Variants in PCDHGB2 observed in about 807,000 individuals in gnomAD.
PCDHGB2 encodes the protein protocadherin gamma-B2.
In PCDHGB2, 55 loss-of-function variants were observed where a neutral mutation model predicts 59.3. The ratio of observed to expected loss-of-function variants is 0.93; its 90% CI spans 0.75 to 1.16. The LOEUF is 1.16. PCDHGB2 is among the 50% of genes most tolerant of loss of function. The probability of loss-of-function intolerance (pLI) is 0.00; values close to 1 mark genes in which losing one functional copy is unlikely to be tolerated. For synonymous variants in PCDHGB2, 516 were observed against 512.0 expected (o/e 1.01, Z -0.11); for missense variants, 1,228 against 1,198.5 (o/e 1.02, Z -0.36).
chr5:141,397,199 T>A (rs1317536621), intron 1 of PCDHGB2, among the ~76,000 whole-genome samples: 1 of 152,156 alleles, frequency 6.6e-6, no homozygotes, highest in Non-Finnish European at 1.5e-5. Context: ...GTAAAAGATA[T>A]GACATAAGAG....
At position 141,386,477 on chromosome 5, in the gene PCDHGB2, G is replaced by A. The variant is rs78371655; in HGVS notation, c.2421+23921G>A. ...GACAGCTTGAACCCAAGAATTGGAG[G>A]CCCACCTAGATAATATAACAAGACT... is the stretch of plus-strand genomic sequence containing the variant. On this transcript the variant is annotated intron_variant, in intron 1 of 3. Coordinates refer to ENST00000522605, the MANE Select transcript of PCDHGB2 (RefSeq NM_018923.3). Among the ~76,000 whole-genome samples the A allele has an allele frequency of 2.5e-3, 384 of 151,668 alleles. 1 individual carries two copies. Among genetic ancestry groups the A allele is most frequent in the African/African-American group, 8.8e-3 (362 of 41,292 alleles).
intron 1 of PCDHGB2, among the ~76,000 whole-genome samples, chr5:141,373,074 A>G (rs910796457): frequency 6.6e-6 from 1 of 152,228 alleles, no homozygotes; most frequent in Non-Finnish European, 1.5e-5. Flanking sequence ...TTTTTAATAC[A>G]GTATTATCTC....
At chr5:141,372,930 T>C (rs1381737731) in intron 1 of PCDHGB2, 2 of 884,806 alleles carry the variant, frequency 2.3e-6, no homozygotes, top group East Asian at 2.7e-5. Flanking sequence ...TTTTCTGGTG[T>C]AGAGTAGGGT....
chr5:141,435,629 A>G (rs2097772414), intron 1 of PCDHGB2, among the ~76,000 whole-genome samples: 1 of 152,162 alleles, frequency 6.6e-6, no homozygotes, highest in Admixed American at 6.5e-5. Flanking sequence ...TAACTTTTAC[A>G]ACTATGGGAA....
intron 1 of PCDHGB2, chr5:141,379,317 C>T (rs914765409): frequency 1.3e-5 from 2 of 152,162 alleles, no homozygotes; most frequent in East Asian, 1.9e-4. Context: ...AACAAGAGAT[C>T]TAATCATACA....
chr5:141,365,723 A>T, intron 1 of PCDHGB2: 1 of 1,613,726 alleles, frequency 6.2e-7, no homozygotes, highest in South Asian at 1.1e-5. Context: ...CACAGAAAAC[A>T]ATCCCAGAGG....
rs1369821635 is a variant in PCDHGB2, at chr5:141,512,208, G to T, written c.*1035G>T. ...TTCAGTCCAAGGAAGCTCGAAGCAG[G>T]TTTAGGACCAGGTCCCCTTGAGAGG... On this transcript the variant is annotated 3_prime_UTR_variant, in exon 4 of 4. Coordinates refer to ENST00000522605, the MANE Select transcript of PCDHGB2 (RefSeq NM_018923.3). 6.5e-6 allele frequency: 1 copy of T among 152,758 alleles called. No homozygotes were observed. The highest frequency in any genetic ancestry group is 2.4e-5 in the African/African-American group (1 of 41,454). The allele number at this position is 152,758 out of a possible 1,614,324, so 9.5% of individuals were successfully genotyped here.
At chr5:141,430,834 G>T (rs1317415848) in intron 1 of PCDHGB2, 1 of 1,557,712 alleles carries the variant, frequency 6.4e-7, no homozygotes, top group Non-Finnish European at 8.7e-7. Context: ...CTCTGTGGGA[G>T]ACCGGATGCA....
intron 1 of PCDHGB2, chr5:141,417,885 G>A (rs761442517): frequency 2.6e-6 from 4 of 1,562,806 alleles, no homozygotes; most frequent in Admixed American, 1.9e-5. Flanking sequence ...GCGCAGAGGC[G>A]CCGGGCCGGC....
intron 1 of PCDHGB2, chr5:141,364,783 G>T (rs1763536521): frequency 6.2e-7 from 1 of 1,614,030 alleles, no homozygotes; most frequent in East Asian, 2.2e-5. Context: ...CAGGGACACG[G>T]TTAGTGCTTC....
chr5:141,399,902 C>T, intron 1 of PCDHGB2: 3 of 1,612,490 alleles, frequency 1.9e-6, no homozygotes, highest in Non-Finnish European at 8.5e-7. Context: ...GCCGTGGACG[C>T]AGACTCAGGA....
chr5:141,370,529 G>T (rs767611078), intron 1 of PCDHGB2: 4 of 1,613,824 alleles, frequency 2.5e-6, no homozygotes, highest in South Asian at 1.1e-5. Flanking sequence ...ACAGGGGCTC[G>T]CTGGTAGGGA....
At chr5:141,423,313 G>A (rs1407028245) in intron 1 of PCDHGB2, 3 of 1,614,184 alleles carry the variant, frequency 1.9e-6, no homozygotes, top group Non-Finnish European at 1.7e-6. Context: ...GTACTTGGTG[G>A]TGGCGGTGGC....
chr5:141,393,480 T>A (rs1026854698), intron 1 of PCDHGB2: 1 of 1,614,062 alleles, frequency 6.2e-7, no homozygotes, highest in Non-Finnish European at 8.5e-7. Context: ...GCCGCCTCGC[T>A]CTAGCACAGT....
chr5:141,435,952 G>A lies in PCDHGB2; in HGVS notation c.2422-58855G>A, dbSNP rs944960593. ...TTGCTGCTTCTGAGACCAAAAAAGG[G>A]GGCAAAATATAGAGTGTGTGGTTCT... is the stretch of plus-strand genomic sequence containing the variant. On this transcript the variant is annotated intron_variant, in intron 1 of 3. Transcript: ENST00000522605. Among the ~76,000 whole-genome samples the A allele has an allele frequency of 2.6e-5, 4 of 152,098 alleles. No individual in the cohort carries two copies. The South Asian group carries it at 8.3e-4, about 32-fold the overall frequency.
chr5:141,489,732 C>CA lies in PCDHGB2; in HGVS notation c.2422-5073dup, dbSNP rs770971020. On this transcript the variant is annotated intron_variant, in intron 1 of 3. Transcript: ENST00000522605. This position sits in a 1 kb window ranked among gnomAD's most constrained non-coding sequence, Gnocchi z 4.5. ...GTGCCCAGGATCCGGATGTGGGCAC[C>CA]AATACTGTGAGCTTTTACACTCTAA... 4.3e-6 allele frequency: 7 copies of CA among 1,614,008 alleles called. No individual in the cohort carries two copies. Among genetic ancestry groups the CA allele is most frequent in the Non-Finnish European group, 5.9e-6 (7 of 1,180,002 alleles).
chr5:141,490,317 C>A lies in PCDHGB2; in HGVS notation c.2422-4490C>A, dbSNP rs2233604. ...TATTGGCCTCTTTGGCCAACCCTGT[C>A]CTAGAGAGCACACCAGTGGGCACAG... On this transcript the variant is annotated intron_variant, in intron 1 of 3. Coordinates refer to ENST00000522605, the MANE Select transcript of PCDHGB2 (RefSeq NM_018923.3). The surrounding 1 kb of genome is among the most constrained non-coding windows in gnomAD (Gnocchi z 5.4). 32,069 of 1,614,158 alleles carry A rather than the reference C, an allele frequency of 0.02. 521 individuals carry two copies. Among genetic ancestry groups the A allele is most frequent in the African/African-American group, 0.081 (6,098 of 75,022 alleles).
chr5:141,361,631 G>C lies in PCDHGB2; in HGVS notation c.1496G>C (p.Arg499Pro), dbSNP rs534427524. The C allele has an allele frequency of 6.2e-7, 1 of 1,613,902 alleles. No homozygotes were observed. Among genetic ancestry groups the C allele is most frequent in the Admixed American group, 1.7e-5 (1 of 60,032 alleles). ...ATCGTAGCGAGCGACCTGAAGCCGC[G>C]GGAGATTTTATCCTACGTGTCCGTG... ...YSIVASDLKP[R>P]EILSYVSVSA... The change falls in exon 1 of 4, where the codon CGG (arginine) becomes CCG (proline). Residue 499 changes from arginine to proline, a missense_variant. This residue lies in a region of PCDHGB2 where 781 missense variants were observed against 721.6 expected (regional missense o/e 1.08). Coordinates refer to ENST00000522605, the MANE Select transcript of PCDHGB2 (RefSeq NM_018923.3).
chr5:141,447,428 G>A (rs542079336), intron 1 of PCDHGB2, among the ~76,000 whole-genome samples: 4 of 152,182 alleles, frequency 2.6e-5, no homozygotes, highest in East Asian at 1.9e-4. Flanking sequence ...GTGAGCCACC[G>A]CACCCGGAGG....
Sources: allele counts gnomAD v4.1 joint callset (sites outside exome capture counted in the v4.1 genomes callset), GRCh38; gene constraint gnomAD v4.1.1; regional missense constraint gnomAD v4.1.1; non-coding constraint Gnocchi (gnomAD v3.1); transcripts MANE v1.5; gene names NCBI Gene and HGNC (gene_info 2026-07-23, HGNC 2026-07-21).